Variants in MACO1 observed in about 807,000 individuals in gnomAD.
The protein encoded by MACO1 is macoilin 1.
MACO1 carries 14 observed loss-of-function variants against 78.7 expected under a neutral mutation model. The observed-to-expected ratio is 0.18, with a 90% confidence interval of 0.12 to 0.28. MACO1 has a LOEUF of 0.28. Ranked by LOEUF, MACO1 falls within the 10% of genes least tolerant of loss-of-function variation. MACO1 has a pLI of 1.00. For missense variants in MACO1, 501 were observed against 799.0 expected (o/e 0.63, Z 4.50); for synonymous variants, 288 against 291.6 (o/e 0.99, Z 0.12).
intron 6 of MACO1, among the ~76,000 whole-genome samples, chr1:25,462,082 A>C (rs1281266736): frequency 6.6e-6 from 1 of 152,150 alleles, no homozygotes; most frequent in Non-Finnish European, 1.5e-5. Flanking sequence ...CAAACCTGAC[A>C]TGTTTGAGTT....
chr1:25,459,677 A>G (rs1189530919), intron 6 of MACO1, among the ~76,000 whole-genome samples: 2 of 152,052 alleles, frequency 1.3e-5, no homozygotes, highest in African/African-American at 4.8e-5. Context: ...GGATTTCACC[A>G]TGTTGCCCAG....
At chr1:25,488,583 T>C (rs1257443059) in intron 8 of MACO1, among the ~76,000 whole-genome samples, 1 of 151,898 alleles carries the variant, frequency 6.6e-6, no homozygotes, top group Admixed American at 6.6e-5. Context: ...AGCCTCTGCC[T>C]CCCAGGTACA....
chr1:25,484,129 A>C lies in MACO1; in HGVS notation c.1168A>C (p.Ile390Leu). The change falls in exon 7 of 11, where the codon ATT (isoleucine) becomes CTT (leucine). Residue 390 changes from isoleucine to leucine, a missense_variant. This residue lies in a region of MACO1 where 163 missense variants were observed against 271.9 expected (regional missense o/e 0.60). Transcript: ENST00000374343. ...PDALVRLEQD[I>L]KKLKADLQAS... is the part of the protein sequence containing the mutation. ...TCATTCTCCTAGGCTGGAACAAGAC[A>C]TTAAAAAGTTAAAGGCTGACCTGCA... The C allele has an allele frequency of 1.9e-6, 3 of 1,611,614 alleles. No individual in the cohort carries two copies. Among genetic ancestry groups the C allele is most frequent in the Non-Finnish European group, 2.5e-6 (3 of 1,179,276 alleles).
At chr1:25,439,326 T>C (rs571873825) in intron 1 of MACO1, among the ~76,000 whole-genome samples, 1 of 150,882 alleles carries the variant, frequency 6.6e-6, no homozygotes, top group African/African-American at 2.4e-5. Context: ...AGCTCAGGAG[T>C]TGGAGGTTGC....
At chr1:25,443,182 G>T (rs74060796) in intron 1 of MACO1, among the ~76,000 whole-genome samples, 1 of 152,124 alleles carries the variant, frequency 6.6e-6, no homozygotes, top group Non-Finnish European at 1.5e-5. Flanking sequence ...ACTGTGATGA[G>T]CAATTAATTT....
chr1:25,464,369 G>T (rs1253258202), intron 6 of MACO1, among the ~76,000 whole-genome samples: 3 of 99,672 alleles, frequency 3.0e-5, no homozygotes, highest in Admixed American at 1.4e-4. Context: ...TTTTGAGATG[G>T]GTTCTCACTC....
At chr1:25,432,163 A>AG (rs2042880804) in intron 1 of MACO1, among the ~76,000 whole-genome samples, 1 of 152,254 alleles carries the variant, frequency 6.6e-6, no homozygotes. Context: ...ATGTGGATGT[A>AG]GGCTTAATTG....
At position 25,430,988 on chromosome 1, in the gene MACO1, G is replaced by T; in HGVS notation, c.-111G>T. On this transcript the variant is annotated 5_prime_UTR_variant, in exon 1 of 11. The change abolishes the stop of an existing upstream ORF in the 5' untranslated region. Coordinates refer to ENST00000374343, the MANE Select transcript of MACO1 (RefSeq NM_018202.6). ...CCGGGTGCTGGCTCCATGTCTGTGT[G>T]ACCGGCCTCAGGGGTAGAGTCCAGG... 1.5e-6 allele frequency: 1 copy of T among 659,048 alleles called. No homozygotes were observed. Among genetic ancestry groups the T allele is most frequent in the South Asian group, 2.0e-5 (1 of 49,522 alleles). The allele number at this position is 659,048 out of a possible 1,614,324, so 40.8% of individuals were successfully genotyped here. A position where few individuals can be genotyped will look rare whatever the true frequency, so the allele number is the denominator to read the frequency against.
chr1:25,431,477 C>T (rs1304894790), intron 1 of MACO1, among the ~76,000 whole-genome samples: 3 of 151,400 alleles, frequency 2.0e-5, no homozygotes, highest in Non-Finnish European at 3.0e-5. Flanking sequence ...AGCCCCCAAC[C>T]AGCCCGGCGT....
chr1:25,467,084 C>T (rs1374611703), intron 6 of MACO1, among the ~76,000 whole-genome samples: 1 of 151,980 alleles, frequency 6.6e-6, no homozygotes, highest in African/African-American at 2.4e-5. Flanking sequence ...CATGGTGAAA[C>T]CTTGTCTCTG....
chr1:25,435,432 G>A (rs967650387), intron 1 of MACO1, among the ~76,000 whole-genome samples: 4 of 152,152 alleles, frequency 2.6e-5, no homozygotes, highest in Admixed American at 6.5e-5. Context: ...TTTTTAAAGT[G>A]ATTAAATTTT....
intron 5 of MACO1, 46 bp downstream of exon 5, chr1:25,456,877 T>C (rs774551781): frequency 1.3e-6 from 2 of 1,532,556 alleles, no homozygotes; most frequent in African/African-American, 1.4e-5. Context: ...CTAGTCATTA[T>C]TTTGTCTCTT....
In MACO1 at chr1:25,469,682, G is replaced by C. The variant is rs146359657; in HGVS notation, c.1154+10790G>C. On this transcript the variant is annotated intron_variant, in intron 6 of 10. Coordinates refer to ENST00000374343, the MANE Select transcript of MACO1 (RefSeq NM_018202.6). ...GACAGAGTCCTGCTCTGTCACCCAG[G>C]CCGTAGTGCAGTGGTCCGATCTCGG... is the stretch of plus-strand genomic sequence containing the variant. Among the ~76,000 whole-genome samples, 544 of 148,370 alleles carry C rather than the reference G, an allele frequency of 3.7e-3. 16 individuals carry two copies. Among genetic ancestry groups the C allele is most frequent in the Admixed American group, 0.028 (414 of 14,874 alleles).
intron 3 of MACO1, among the ~76,000 whole-genome samples, chr1:25,451,462 AT>A (rs764763997): frequency 6.6e-6 from 1 of 152,014 alleles, no homozygotes; most frequent in Non-Finnish European, 1.5e-5. Context: ...TAATTTTTCT[AT>A]TTTTTTCTGT....
intron 1 of MACO1, among the ~76,000 whole-genome samples, chr1:25,432,675 A>G (rs1198846795): frequency 6.6e-6 from 1 of 152,222 alleles, no homozygotes; most frequent in Non-Finnish European, 1.5e-5. Flanking sequence ...TTGGCTATTG[A>G]AAAATATTTG....
intron 1 of MACO1, among the ~76,000 whole-genome samples, chr1:25,440,421 AGAAG>A (rs1443462251): frequency 6.7e-6 from 1 of 149,472 alleles, no homozygotes; most frequent in Admixed American, 6.6e-5. Context: ...AAAAAAAAAA[AGAAG>A]AAAGAAAAAA....
At chr1:25,494,581 A>G (rs2043518363) in intron 10 of MACO1, among the ~76,000 whole-genome samples, 1 of 152,152 alleles carries the variant, frequency 6.6e-6, no homozygotes, top group Non-Finnish European at 1.5e-5. Flanking sequence ...CTCCTATAGC[A>G]TGTGAAAGAC....
In MACO1 at chr1:25,493,141, G is replaced by T. The variant is rs77660232; in HGVS notation, c.1792+1557G>T. ...CATGGTGTGTGAACTTTTGTCTTAG[G>T]GACCCCTTTACACTCTTAAAATTAT... On this transcript the variant is annotated intron_variant, in intron 10 of 10. Coordinates refer to ENST00000374343, the MANE Select transcript of MACO1 (RefSeq NM_018202.6). 5.4e-3 allele frequency among the ~76,000 whole-genome samples: 820 copies of T among 152,238 alleles called. 10 individuals are homozygous for T. Among genetic ancestry groups the T allele is most frequent in the African/African-American group, 0.019 (788 of 41,538 alleles).
At chr1:25,442,042 C>T (rs766986523) in intron 1 of MACO1, among the ~76,000 whole-genome samples, 2 of 152,116 alleles carry the variant, frequency 1.3e-5, no homozygotes, top group Non-Finnish European at 1.5e-5. Flanking sequence ...TGATTGTATG[C>T]GCAAGTAGCC....
Sources: gnomAD v4.1 joint callset for allele counts (sites outside exome capture counted in the v4.1 genomes callset) on GRCh38, gnomAD v4.1.1 for gene constraint, gnomAD v4.1.1 regional missense constraint, MANE v1.5 for transcripts, NCBI Gene and HGNC (gene_info 2026-07-23, HGNC 2026-07-21) for gene names.